GALNT18: variants seen among roughly 807,000 people sequenced by gnomAD.
The protein encoded by GALNT18 is GalNAc-transferase 18.
Under a neutral mutation model 69.5 loss-of-function variants are expected in GALNT18, and 44 were observed. The observed-to-expected ratio is 0.63, with a 90% CI of 0.50 to 0.81. The LOEUF is 0.81. Among genes scored for constraint, GALNT18 ranks in the 40% least tolerant of loss-of-function variants. The probability of loss-of-function intolerance (pLI) is 0.00; values close to 1 mark genes in which losing one functional copy is unlikely to be tolerated. For missense variants in GALNT18, 715 were observed against 810.0 expected, an observed-to-expected ratio of 0.88 and a Z score of 1.42; for synonymous variants, 364 against 318.2, an observed-to-expected ratio of 1.14 and a Z score of -1.53.
intron 2 of GALNT18, among the ~76,000 whole-genome samples, chr11:11,433,711 TC>T (rs1383372473): frequency 6.6e-6 from 1 of 152,176 alleles, no homozygotes; most frequent in Non-Finnish European, 1.5e-5. Context: ...TGAGGGTAGT[TC>T]CCTCCTCTGC....
intron 1 of GALNT18, among the ~76,000 whole-genome samples, chr11:11,476,738 G>A (rs1011506221): frequency 1.3e-5 from 2 of 152,206 alleles, no homozygotes; most frequent in Non-Finnish European, 2.9e-5. Context: ...TGGGCATGAT[G>A]TGACAGGTGC....
At chr11:11,483,394 C>T (rs1282966299) in intron 1 of GALNT18, among the ~76,000 whole-genome samples, 1 of 152,238 alleles carries the variant, frequency 6.6e-6, no homozygotes, top group Non-Finnish European at 1.5e-5. Flanking sequence ...GAAGTCTCCT[C>T]ATCACATGGG....
chr11:11,326,185 C>T (rs1849914762), intron 9 of GALNT18, among the ~76,000 whole-genome samples: 1 of 151,928 alleles, frequency 6.6e-6, no homozygotes, highest in African/African-American at 2.4e-5. Flanking sequence ...GCTGGGACTA[C>T]AGGCGCCCGC....
chr11:11,369,459 C>G (rs1023531062), intron 6 of GALNT18, among the ~76,000 whole-genome samples: 4 of 152,186 alleles, frequency 2.6e-5, no homozygotes, highest in African/African-American at 7.2e-5. Context: ...TTCTCCTCTT[C>G]TTATAAGGAC....
In GALNT18 at chr11:11,587,857, C is replaced by T. The variant is rs1859263207; in HGVS notation, c.235+33502G>A. ...TATGGTCCAAAGAATAATAAGAACA[C>T]AAAATATAGAAATCCGAAAGGAAAG... On this transcript the variant is annotated intron_variant, in intron 1 of 10. Coordinates refer to ENST00000227756, the MANE Select transcript of GALNT18 (RefSeq NM_198516.3). This position sits in a 1 kb window ranked among gnomAD's most constrained non-coding sequence, Gnocchi z 4.4. 6.6e-6 allele frequency among the ~76,000 whole-genome samples: 1 copy of T among 151,902 alleles called. No homozygotes were observed. Among genetic ancestry groups the T allele is most frequent in the Non-Finnish European group, 1.5e-5 (1 of 67,976 alleles).
rs1238330495 is a variant in GALNT18 at position 11,543,309 on chromosome 11, C to T, written c.235+78050G>A. On this transcript the variant is annotated intron_variant, in intron 1 of 10. Transcript: ENST00000227756. The surrounding 1 kb of genome is among the most constrained non-coding windows in gnomAD (Gnocchi z 5.1). ...TAAGTAGAATTTGTGGCCTAGGTGT[C>T]CACTGTCTTAGCTTCATTCTCTCAT... 1.3e-5 allele frequency among the ~76,000 whole-genome samples: 2 copies of T among 152,160 alleles called. No individual in the cohort carries two copies. The highest frequency in any genetic ancestry group is 2.9e-5 in the Non-Finnish European group (2 of 68,040).
intron 1 of GALNT18, among the ~76,000 whole-genome samples, chr11:11,554,370 G>A (rs973603185): frequency 2.0e-5 from 3 of 151,770 alleles, no homozygotes; most frequent in East Asian, 1.9e-4. Flanking sequence ...CCACCGTGAC[G>A]GGGAGGCACA....
intron 1 of GALNT18, among the ~76,000 whole-genome samples, chr11:11,571,936 T>G (rs1159614224): frequency 6.6e-6 from 1 of 152,208 alleles, no homozygotes; most frequent in Non-Finnish European, 1.5e-5. Context: ...CACAGTGAGC[T>G]GTATGCCCAG....
At chr11:11,412,218 T>C (rs1854748001) in intron 3 of GALNT18, among the ~76,000 whole-genome samples, 1 of 152,124 alleles carries the variant, frequency 6.6e-6, no homozygotes, top group Admixed American at 6.6e-5. Flanking sequence ...GCCTTATACG[T>C]GTGGCTCCAC....
At position 11,271,253 on chromosome 11, in the gene GALNT18, A is replaced by C; in HGVS notation, c.1715T>G (p.Leu572Arg). 6.2e-7 allele frequency: 1 copy of C among 1,614,118 alleles called. No individual in the cohort carries two copies. Among genetic ancestry groups the C allele is most frequent in the Non-Finnish European group, 8.5e-7 (1 of 1,179,992 alleles). Residue 572 changes from leucine (L) to arginine (R), a missense_variant, in exon 11 of 11, where the codon CTG becomes CGG. Transcript: ENST00000227756. ...PIQNRKSKRC[L>R]ELQENSDLEF... Reference sequence around the variant, plus strand: ...CAGGTCGCTATTCTCCTGCAGCTCCAGACAGCGCTTAGACTTGCGGTTCTG... The same window carrying C: ...CAGGTCGCTATTCTCCTGCAGCTCCCGACAGCGCTTAGACTTGCGGTTCTG...
In GALNT18 at chr11:11,459,927, T is replaced by C. The variant is rs1385550700; in HGVS notation, c.236-10991A>G. Among the ~76,000 whole-genome samples the C allele has an allele frequency of 6.6e-6, 1 of 152,158 alleles. No individual in the cohort carries two copies. The highest frequency in any genetic ancestry group is 1.5e-5 in the Non-Finnish European group (1 of 68,016). On this transcript the variant is annotated intron_variant, in intron 1 of 10. Transcript: ENST00000227756. The surrounding 1 kb of genome is among the most constrained non-coding windows in gnomAD (Gnocchi z 5.0). ...CTTTCTGGAAGCTCTGGAGGAGAGA[T>C]TCTGTTTCCATGCTCTTCCCAGTTT...
Position 11,324,183 on chromosome 11 carries a change from G to A in GALNT18, c.1512+2903C>T, listed in dbSNP as rs557469578. On this transcript the variant is annotated intron_variant, in intron 9 of 10. Transcript: ENST00000227756. ...AGCCTCCAGAACTGTGAGAAAATAA[G>A]TTTATGTGGTTTAAGGCCTGTGATA... is the stretch of plus-strand genomic sequence containing the variant. 5.9e-3 allele frequency among the ~76,000 whole-genome samples: 858 copies of A among 145,896 alleles called. 9 individuals carry two copies. The highest frequency in any genetic ancestry group is 0.021 in the African/African-American group (809 of 39,032).
chr11:11,347,892 G>A lies in GALNT18; in HGVS notation c.1093-6888C>T, dbSNP rs1286897537. 6.6e-6 allele frequency among the ~76,000 whole-genome samples: 1 copy of A among 152,214 alleles called. No homozygotes were observed. Among genetic ancestry groups the A allele is most frequent in the African/African-American group, 2.4e-5 (1 of 41,448 alleles). On this transcript the variant is annotated intron_variant, in intron 6 of 10. Transcript: ENST00000227756. This position sits in a 1 kb window ranked among gnomAD's most constrained non-coding sequence, Gnocchi z 4.0. The stretch of plus-strand genomic sequence containing the variant: ...AGGCTATGGGGAGGAAGACGAGGTG[G>A]ATGCAGGCTGAGGCTGAGGGCTGGG...
At chr11:11,548,916 T>C (rs1858127440) in intron 1 of GALNT18, among the ~76,000 whole-genome samples, 2 of 152,232 alleles carry the variant, frequency 1.3e-5, no homozygotes, top group Admixed American at 6.5e-5. Flanking sequence ...TAATGTACTT[T>C]ATATTAGCTG....
At chr11:11,533,050 C>A (rs1271161780) in intron 1 of GALNT18, among the ~76,000 whole-genome samples, 3 of 152,132 alleles carry the variant, frequency 2.0e-5, no homozygotes, top group South Asian at 2.1e-4. Flanking sequence ...ACACCTGCCC[C>A]CTCATAGTAA....
intron 6 of GALNT18, among the ~76,000 whole-genome samples, chr11:11,345,421 C>T (rs1297487396): frequency 6.6e-6 from 1 of 152,160 alleles, no homozygotes. Context: ...ATACCCACAG[C>T]TCATCTCAGA....
At chr11:11,376,897 C>A (rs1564917926) in intron 5 of GALNT18, among the ~76,000 whole-genome samples, 1 of 152,132 alleles carries the variant, frequency 6.6e-6, no homozygotes, top group Non-Finnish European at 1.5e-5. Context: ...CAGTGGGAAC[C>A]AAATCTTCAT....
intron 1 of GALNT18, among the ~76,000 whole-genome samples, chr11:11,570,532 C>T (rs1174057577): frequency 6.6e-6 from 1 of 152,224 alleles, no homozygotes; most frequent in African/African-American, 2.4e-5. Flanking sequence ...GGGACCCTGC[C>T]CTCTGCCTAG....
Position 11,340,548 on chromosome 11 carries a change from C to T in GALNT18, c.1278+271G>A, listed in dbSNP as rs185175249. On this transcript the variant is annotated intron_variant, in intron 7 of 10. Transcript: ENST00000227756. This position sits in a 1 kb window ranked among gnomAD's most constrained non-coding sequence, Gnocchi z 4.2. ...ATGAAGGAAACTTGAGCTACCTGTC[C>T]AACTTTCTCATTTAAAATTAGGACA... 7.9e-5 allele frequency among the ~76,000 whole-genome samples: 12 copies of T among 152,236 alleles called. No homozygotes were observed. The East Asian group carries it at 2.3e-3, about 29-fold the overall frequency.
Sources: allele counts gnomAD v4.1 joint callset (sites outside exome capture counted in the v4.1 genomes callset), GRCh38; gene constraint gnomAD v4.1.1; non-coding constraint Gnocchi (gnomAD v3.1); transcripts MANE v1.5; gene names NCBI Gene and HGNC (gene_info 2026-07-23, HGNC 2026-07-21).